NOTCH2: variants seen among roughly 807,000 people sequenced by gnomAD.
NOTCH2 encodes the protein notch receptor 2.
NOTCH2 carries 29 observed loss-of-function variants against 235.8 expected under a neutral mutation model. The observed-to-expected ratio is 0.12, with a 90% CI of 0.09 to 0.17. NOTCH2 has a LOEUF of 0.17. Among genes scored for constraint, NOTCH2 ranks in the 10% least tolerant of loss-of-function variants. The pLI, the probability that NOTCH2 is intolerant of heterozygous loss-of-function variation, is 1.00. For synonymous variants in NOTCH2, 1,086 were observed against 1,141.5 expected, an observed-to-expected ratio of 0.95 and a Z score of 0.98; for missense variants, 2,285 against 3,150.2, an observed-to-expected ratio of 0.73 and a Z score of 6.57.
At chr1:119,984,332 T>C (rs782493902) in intron 5 of NOTCH2, among the ~76,000 whole-genome samples, 9 of 152,206 alleles carry the variant, frequency 5.9e-5, no homozygotes, top group Non-Finnish European at 1.0e-4. Flanking sequence ...TCAACAAGCC[T>C]AGATTCAAAC....
At chr1:119,967,689 G>C in intron 7 of NOTCH2, 68 bp from the exon 8 acceptor site, 2 of 1,370,948 alleles carry the variant, frequency 1.5e-6, no homozygotes, top group Non-Finnish European at 2.1e-6. Flanking sequence ...AACAATAGAA[G>C]AGCATCTGAT....
rs587749003 is a variant in NOTCH2 at position 119,946,075 on chromosome 1, C to T, written c.2752+2339G>A. Among the ~76,000 whole-genome samples the T allele has an allele frequency of 5.3e-5, 8 of 152,126 alleles. No homozygotes were observed. The South Asian group carries it at 1.7e-3, about 32-fold the overall frequency. ...ATAAAACAAATTGATGTTATGTCAA[C>T]AAATTTGACAAAACAGGTGAATTGG... On this transcript the variant is annotated intron_variant, in intron 17 of 33. Transcript: ENST00000256646.
chr1:119,939,819 GGT>G lies in NOTCH2; in HGVS notation c.3183+734_3183+735del, dbSNP rs78621283. ...CAAGCTGCTTAATTTTGTGGAGGTG[GGT>G]GCTCACATGTCTAATATAGCCTAAG... On this transcript the variant is annotated intron_variant, in intron 19 of 33. Transcript: ENST00000256646. Among the ~76,000 whole-genome samples the G allele has an allele frequency of 3.7e-3, 559 of 152,292 alleles. 1 individual carries two copies. Among genetic ancestry groups the G allele is most frequent in the Non-Finnish European group, 6.6e-3 (450 of 68,022 alleles).
In NOTCH2 at chr1:119,997,197, T is replaced by C. The variant is rs781992690; in HGVS notation, c.551A>G (p.Asn184Ser). 6 of 1,613,994 alleles carry C rather than the reference T, an allele frequency of 3.7e-6. No homozygotes were observed. The Admixed American group carries it at 5.0e-5, about 13-fold the overall frequency. The part of the protein sequence containing the change: ...FTGQKCETDV[N>S]ECDIPGHCQH... ...GCAGTGTCCTGGAATGTCACACTCA[T>C]TGACATCAGTCTCACATTTCTGCCC... The change falls in exon 4 of 34, where the codon AAT becomes AGT. Residue 184 changes from asparagine to serine, a missense_variant. Coordinates refer to ENST00000256646, the MANE Select transcript of NOTCH2 (RefSeq NM_024408.4).
intron 22 of NOTCH2, among the ~76,000 whole-genome samples, chr1:119,932,528 G>C (rs1414662132): frequency 6.6e-6 from 1 of 151,968 alleles, no homozygotes; most frequent in Non-Finnish European, 1.5e-5. Context: ...CGGAGGTTGC[G>C]GTGAGCTGAG....
intron 22 of NOTCH2, among the ~76,000 whole-genome samples, chr1:119,932,798 T>C (rs886920645): frequency 6.6e-6 from 1 of 152,166 alleles, no homozygotes; most frequent in Non-Finnish European, 1.5e-5. Context: ...TTGGCTTCTC[T>C]CTACATAAAG....
In NOTCH2 at chr1:119,925,354, C is replaced by T. The variant is rs1131691315; in HGVS notation, c.4462G>A (p.Glu1488Lys). 13 of 1,614,140 alleles carry T rather than the reference C, an allele frequency of 8.1e-6. No individual in the cohort carries two copies. The highest frequency in any genetic ancestry group is 2.2e-5 in the South Asian group (2 of 91,066). The change falls in exon 25 of 34, where the codon GAG (glutamate) becomes AAG (lysine). Residue 1488 changes from glutamate to lysine, a missense_variant. By Grantham distance (56) the Glu-to-Lys change is moderately conservative. This residue lies in a region of NOTCH2 where 1,173 missense variants were observed against 1,515.3 expected (regional missense o/e 0.77). Coordinates refer to ENST00000256646, the MANE Select transcript of NOTCH2 (RefSeq NM_024408.4). ...CATTCAAAGTTGTCAAACAGGCACT[C>T]GACCGTGTTGCACAGCTCATCACAC... is the stretch of plus-strand genomic sequence containing the variant. ...NQCDELCNTV[E>K]CLFDNFECQG...
chr1:119,953,168 G>A (rs587699579), intron 14 of NOTCH2, among the ~76,000 whole-genome samples: 10 of 152,230 alleles, frequency 6.6e-5, no homozygotes, highest in African/African-American at 1.9e-4. Context: ...AAAATTAGCC[G>A]GGTGTGGTGG....
At chr1:120,058,362 A>C (rs1247679087) in intron 1 of NOTCH2, among the ~76,000 whole-genome samples, 5 of 149,830 alleles carry the variant, frequency 3.3e-5, no homozygotes, top group Admixed American at 2.0e-4. Context: ...AAAATTAGCC[A>C]GGCGTTGTGG....
chr1:119,953,640 C>T lies in NOTCH2; in HGVS notation c.2268G>A (p.Val756=). 1.2e-6 allele frequency: 2 copies of T among 1,614,126 alleles called. No homozygotes were observed. ...GATTCGAAAGGCATTCATTTTTGTCCACTTCACAGTTGATGCCAACCCAGC... is the reference window on the plus strand; with the variant it reads ...GATTCGAAAGGCATTCATTTTTGTCTACTTCACAGTTGATGCCAACCCAGC... ...DAGWVGINCE[V]DKNECLSNPC... The change falls in exon 14 of 34, where the codon GTG becomes GTA. Residue 756 remains valine, a synonymous_variant. Coordinates refer to ENST00000256646, the MANE Select transcript of NOTCH2 (RefSeq NM_024408.4).
At chr1:119,938,529 C>T (rs1553196058) in intron 19 of NOTCH2, among the ~76,000 whole-genome samples, 1 of 152,116 alleles carries the variant, frequency 6.6e-6, no homozygotes, top group African/African-American at 2.4e-5. Flanking sequence ...AAAGCAAAAC[C>T]GTCAGCACCT....
chr1:119,986,826 T>C, intron 5 of NOTCH2, 134 bp downstream of exon 5: 1 of 1,086,252 alleles, frequency 9.2e-7, no homozygotes, highest in Non-Finnish European at 1.4e-6. Flanking sequence ...TGATCTAGCA[T>C]GGAGATCCTG....
rs780300826 is a variant in NOTCH2, at chr1:119,925,481, G to T, written c.4335C>A (p.Ser1445Arg). Residue 1445 changes from serine (S) to arginine (R), a missense_variant, in exon 25 of 34, where the codon AGC (serine) becomes AGA (arginine). Physicochemically the swap from Ser to Arg is moderately radical, Grantham distance 110. Transcript: ENST00000256646. Reference protein sequence around the residue: ...RDGVCDEACNSHACQWDGGDC... With the variant: ...RDGVCDEACNRHACQWDGGDC... ...CACCCCCATCCCACTGGCAGGCATGGCTGTTGCAGGCCTCATCACAGACGC... is the reference window on the plus strand; with the variant it reads ...CACCCCCATCCCACTGGCAGGCATGTCTGTTGCAGGCCTCATCACAGACGC... The T allele has an allele frequency of 1.2e-6, 2 of 1,614,164 alleles. No homozygotes were observed. The highest frequency in any genetic ancestry group is 2.2e-5 in the South Asian group (2 of 91,082).
rs926043185 is a variant in NOTCH2 at position 119,976,724 on chromosome 1, C to T, written c.875-6980G>A. Among the ~76,000 whole-genome samples the T allele has an allele frequency of 7.2e-5, 11 of 152,062 alleles. 1 individual carries two copies. The highest frequency in any genetic ancestry group is 3.9e-4 in the Admixed American group (6 of 15,226). On this transcript the variant is annotated intron_variant, in intron 5 of 33. Coordinates refer to ENST00000256646, the MANE Select transcript of NOTCH2 (RefSeq NM_024408.4). ...TTCTAACACCTACCAGTGTTTTCTG[C>T]CTATCTCTTTAGGCTCTAACCATGA...
rs1648974325 is a variant in NOTCH2 at position 119,913,896 on chromosome 1, G to C, written c.*1410C>G. 1 of 233,068 alleles carries C rather than the reference G, an allele frequency of 4.3e-6. No individual in the cohort carries two copies. Among genetic ancestry groups the C allele is most frequent in the Non-Finnish European group, 8.5e-6 (1 of 117,934 alleles). The allele number at this position is 233,068 out of a possible 1,614,324, so 14.4% of individuals were successfully genotyped here. On this transcript the variant is annotated 3_prime_UTR_variant, in exon 34 of 34. Transcript: ENST00000256646. ...TCTTATAGGGCTGTTTTGGATCATA[G>C]AAAACAAGTCCAACTTTCCAATTCC...
intron 29 of NOTCH2, among the ~76,000 whole-genome samples, 156 bp from the exon 30 acceptor site, chr1:119,920,553 C>T (rs946847367): frequency 1.3e-5 from 2 of 152,160 alleles, no homozygotes; most frequent in African/African-American, 4.8e-5. Flanking sequence ...GCCTTGGCTT[C>T]CCACTGCTCT....
At position 119,967,618 on chromosome 1, in the gene NOTCH2, T is replaced by G; in HGVS notation, c.1268A>C (p.Asn423Thr). 1.2e-6 allele frequency: 2 copies of G among 1,614,014 alleles called. No homozygotes were observed. Among genetic ancestry groups the G allele is most frequent in the Non-Finnish European group, 1.7e-6 (2 of 1,179,892 alleles). Residue 423 changes from asparagine to threonine, a missense_variant, in exon 8 of 34, where the codon AAT becomes ACT. Around this residue, in one of 6 missense-constraint regions of NOTCH2, gnomAD observed 431 missense variants for 757.8 expected, o/e 0.57. Transcript: ENST00000256646. ...TEDVDECAMA[N>T]SNPCEHAGKC... ...TCCTGCATGCTCACAAGGATTGCTA[T>G]TGGCTGAAAGACACAAGTACCAATT...
At chr1:119,949,511 C>T (rs1453763315) in intron 15 of NOTCH2, among the ~76,000 whole-genome samples, 7 of 151,664 alleles carry the variant, frequency 4.6e-5, no homozygotes, top group African/African-American at 7.3e-5. Context: ...CTCCGCCTCC[C>T]GAGTAGCTGG....
intron 1 of NOTCH2, among the ~76,000 whole-genome samples, chr1:120,037,924 TTTTG>T (rs1309691410): frequency 6.6e-6 from 1 of 152,080 alleles, no homozygotes; most frequent in Non-Finnish European, 1.5e-5. Flanking sequence ...AATGAATATT[TTTTG>T]TATTACTAAT....
Sources: gnomAD v4.1 joint callset for allele counts (sites outside exome capture counted in the v4.1 genomes callset) on GRCh38, gnomAD v4.1.1 for gene constraint, gnomAD v4.1.1 regional missense constraint, MANE v1.5 for transcripts, NCBI Gene and HGNC (gene_info 2026-07-23, HGNC 2026-07-21) for gene names.